The following MLIP variants were observed in gnomAD, a reference collection of about 807,000 sequenced individuals.
The protein encoded by MLIP is muscular LMNA-interacting protein.
In MLIP, 79 loss-of-function variants were observed where a neutral mutation model predicts 84.8. The ratio of observed to expected loss-of-function variants is 0.93; its 90% confidence interval spans 0.78 to 1.12. The LOEUF (loss-of-function observed/expected upper bound fraction) is 1.12. Among genes scored for constraint, MLIP ranks in the 50% most tolerant of loss-of-function variants. The pLI is 0.00. For synonymous variants in MLIP, 504 were observed against 463.0 expected (o/e 1.09, Z -1.14); for missense variants, 1,257 against 1,160.6 (o/e 1.08, Z -1.21).
chr6:54,063,842 G>T (rs1320972429), intron 1 of MLIP, among the ~76,000 whole-genome samples: 1 of 152,000 alleles, frequency 6.6e-6, no homozygotes, highest in Non-Finnish European at 1.5e-5. Context: ...AGAATTCATT[G>T]TGTGCTTTTA....
chr6:54,084,643 A>G (rs1767369950), intron 1 of MLIP, among the ~76,000 whole-genome samples: 2 of 152,236 alleles, frequency 1.3e-5, no homozygotes, highest in African/African-American at 4.8e-5. Flanking sequence ...TACTCTTTGC[A>G]AATTCAGGAA....
At chr6:54,178,916 G>A (rs1024029105) in intron 9 of MLIP, among the ~76,000 whole-genome samples, 3 of 152,120 alleles carry the variant, frequency 2.0e-5, no homozygotes, top group Non-Finnish European at 4.4e-5. Flanking sequence ...GGTCTATTTG[G>A]TCTATAGTGC....
At chr6:54,261,595 G>A (rs1040637068) in intron 13 of MLIP, 65 of 984,990 alleles carry the variant, frequency 6.6e-5, no homozygotes, top group Non-Finnish European at 7.4e-5. Flanking sequence ...CACTTTGGTG[G>A]TATATAAGCT....
chr6:54,221,540 A>G (rs1780220334), intron 11 of MLIP, among the ~76,000 whole-genome samples: 1 of 75,854 alleles, frequency 1.3e-5, no homozygotes, highest in Non-Finnish European at 4.3e-5. Flanking sequence ...GACACATAAG[A>G]CCCCCTTATA....
At chr6:54,046,797 G>C (rs780029361) in intron 1 of MLIP, 47 of 152,090 alleles carry the variant, frequency 3.1e-4, no homozygotes, top group Non-Finnish European at 4.1e-4. Flanking sequence ...AAATTTTTCT[G>C]CTTGCTGCTG....
At chr6:54,145,203 C>T (rs1772676278) in intron 4 of MLIP, among the ~76,000 whole-genome samples, 1 of 152,040 alleles carries the variant, frequency 6.6e-6, no homozygotes, top group Admixed American at 6.6e-5. Flanking sequence ...CCCTGTAATT[C>T]CACATTAGAA....
intron 12 of MLIP, among the ~76,000 whole-genome samples, chr6:54,238,036 T>C (rs1223700498): frequency 6.6e-6 from 1 of 152,144 alleles, no homozygotes; most frequent in Non-Finnish European, 1.5e-5. Flanking sequence ...TTTCCCCCAT[T>C]TTACAATGCA....
chr6:54,092,996 C>T (rs112707589), intron 1 of MLIP, among the ~76,000 whole-genome samples: 19 of 152,198 alleles, frequency 1.2e-4, no homozygotes, highest in African/African-American at 4.3e-4. Context: ...CCTGCCTGGG[C>T]CTCCTGAGTA....
At chr6:54,050,777 T>C (rs567701275) in intron 1 of MLIP, among the ~76,000 whole-genome samples, 1 of 152,236 alleles carries the variant, frequency 6.6e-6, no homozygotes, top group East Asian at 1.9e-4. Context: ...ATCATGGTAT[T>C]ATTCCCCTAC....
chr6:54,201,293 G>A (rs888794045), intron 10 of MLIP, among the ~76,000 whole-genome samples: 5 of 152,142 alleles, frequency 3.3e-5, no homozygotes, highest in African/African-American at 9.7e-5. Flanking sequence ...ATAAAAAGGT[G>A]TGTGTGTGAG....
At chr6:54,149,672 C>T (rs1773233825) in intron 5 of MLIP, among the ~76,000 whole-genome samples, 1 of 152,074 alleles carries the variant, frequency 6.6e-6, no homozygotes, top group South Asian at 2.1e-4. Flanking sequence ...TTCTTGCCAG[C>T]CAGTGGTCCT....
chr6:54,089,154 T>A (rs1420787812), intron 1 of MLIP, among the ~76,000 whole-genome samples: 1 of 152,168 alleles, frequency 6.6e-6, no homozygotes, highest in African/African-American at 2.4e-5. Context: ...AATTGATAAA[T>A]TGATTCAGGA....
At chr6:54,249,555 A>G (rs1460408310) in intron 12 of MLIP, among the ~76,000 whole-genome samples, 1 of 151,912 alleles carries the variant, frequency 6.6e-6, no homozygotes, top group Admixed American at 6.6e-5. Context: ...AATAAAGAAA[A>G]AACTCAGAGC....
At chr6:54,187,132 G>A (rs182158597) in intron 9 of MLIP, among the ~76,000 whole-genome samples, 122 of 152,346 alleles carry the variant, frequency 8.0e-4, no homozygotes, top group Non-Finnish European at 1.3e-3. Context: ...ATGTGATAAT[G>A]TGGGGATCTG....
intron 1 of MLIP, chr6:54,046,356 T>C (rs1254474574): frequency 2.0e-5 from 3 of 151,966 alleles, no homozygotes; most frequent in African/African-American, 7.2e-5. Flanking sequence ...TTATAGAATA[T>C]ATAGAAAATA....
At chr6:54,099,212 T>G in intron 1 of MLIP, among the ~76,000 whole-genome samples, 1 of 152,180 alleles carries the variant, frequency 6.6e-6, no homozygotes, top group East Asian at 1.9e-4. Context: ...AAAAATAATT[T>G]AAATTCAATT....
intron 1 of MLIP, among the ~76,000 whole-genome samples, chr6:54,104,775 A>C (rs963927220): frequency 3.3e-5 from 5 of 152,124 alleles, no homozygotes; most frequent in Non-Finnish European, 4.4e-5. Flanking sequence ...GGCTAAAAGA[A>C]GGCTCTGTGG....
At chr6:54,121,716 A>T in intron 2 of MLIP, 114 bp downstream of exon 2, 1 of 755,446 alleles carries the variant, frequency 1.3e-6, no homozygotes, top group South Asian at 2.0e-5. Flanking sequence ...CTGTGACTCT[A>T]AGTTTGACTA....
At chr6:54,219,220 AAAAAAT>A (rs762712468) in intron 11 of MLIP, among the ~76,000 whole-genome samples, 290 of 151,778 alleles carry the variant, frequency 1.9e-3, no homozygotes, top group Non-Finnish European at 2.9e-3. Flanking sequence ...AAATAAAAAT[AAAAAAT>A]AAAAATAAAA....
Sources: allele counts gnomAD v4.1 joint callset (sites outside exome capture counted in the v4.1 genomes callset), GRCh38; gene constraint gnomAD v4.1.1; transcripts MANE v1.5; gene names NCBI Gene and HGNC (gene_info 2026-07-23, HGNC 2026-07-21).